Variants in LARGE1 observed in about 807,000 individuals in gnomAD.
LARGE1 encodes LARGE xylosyl- and glucuronyltransferase 1, also known as xylosyl- and glucuronyltransferase LARGE1.
A neutral mutation model predicts 87.6 loss-of-function variants in LARGE1; 43 were observed. The ratio of observed to expected loss-of-function variants is 0.49; its 90% CI spans 0.38 to 0.63. The LOEUF (loss-of-function observed/expected upper bound fraction) is 0.63, where lower values mean the gene tolerates loss of function less well. Ranked by LOEUF, LARGE1 falls within the 30% of genes least tolerant of loss-of-function variation. The probability of loss-of-function intolerance (pLI) is 0.00; values close to 1 mark genes in which losing one functional copy is unlikely to be tolerated. For missense variants in LARGE1, 802 were observed against 1,000.2 expected (o/e 0.80, Z 2.67); for synonymous variants, 434 against 394.6 (o/e 1.10, Z -1.18).
chr22:33,268,837 T>A (rs1478539988), downstream of LARGE1, among the ~76,000 whole-genome samples: 1 of 152,224 alleles, frequency 6.6e-6, no homozygotes, highest in Non-Finnish European at 1.5e-5. Flanking sequence ...GGGACCCACA[T>A]ATTGAATCAT....
intron 2 of LARGE1, among the ~76,000 whole-genome samples, chr22:33,734,039 C>T (rs1225008838): frequency 6.6e-6 from 1 of 152,140 alleles, no homozygotes; most frequent in Non-Finnish European, 1.5e-5. Flanking sequence ...ACGCTTAGGG[C>T]TTTCTCCAAG....
chr22:33,305,552 A>G lies in LARGE1; in HGVS notation c.1452-1045T>C, dbSNP rs369365820. 94 of 982,468 alleles carry G rather than the reference A, an allele frequency of 9.6e-5. No homozygotes were observed. In the African/African-American group the frequency reaches 9.8e-4, roughly 10 times the overall value. 60.9% of individuals were successfully genotyped at this position (982,468 alleles called of 1,614,324 possible). On this transcript the variant is annotated intron_variant, in intron 11 of 14. Transcript: ENST00000397394. Reference sequence around the variant, plus strand: ...CTTACCCAGCAAGAGGTACGTAATCAGCAGTCTCCTGGTCAGAATGCCCAC... The same window carrying G: ...CTTACCCAGCAAGAGGTACGTAATCGGCAGTCTCCTGGTCAGAATGCCCAC...
intron 2 of LARGE1, among the ~76,000 whole-genome samples, chr22:33,718,540 T>C (rs138726222): frequency 5.1e-4 from 78 of 152,384 alleles, no homozygotes; most frequent in African/African-American, 1.5e-3. Flanking sequence ...TAGGTTCTTA[T>C]TGGGTGAAAA....
intron 7 of LARGE1, among the ~76,000 whole-genome samples, chr22:33,417,052 G>C (rs113739097): frequency 2.0e-5 from 3 of 151,802 alleles, no homozygotes; most frequent in African/African-American, 7.3e-5. Flanking sequence ...GACTACAGGC[G>C]TGTGTCACCA....
intron 2 of LARGE1, among the ~76,000 whole-genome samples, chr22:33,720,101 G>A (rs530864179): frequency 6.6e-6 from 1 of 152,218 alleles, no homozygotes; most frequent in African/African-American, 2.4e-5. Context: ...TTATTACATT[G>A]TAATATATAA....
Position 33,621,128 on chromosome 22 carries a change from C to T in LARGE1, c.491+5116G>A, listed in dbSNP as rs911701691. The stretch of plus-strand genomic sequence containing the variant: ...CACTTATTTTATATAAGCATTGCTT[C>T]ATGGTATGCCATACTTTTCAAAACT... On this transcript the variant is annotated intron_variant, in intron 4 of 14. Transcript: ENST00000397394. Among the ~76,000 whole-genome samples, 4 of 152,296 alleles carry T rather than the reference C, an allele frequency of 2.6e-5. No homozygotes were observed. In the South Asian group the frequency reaches 8.3e-4, roughly 32 times the overall value.
intron 11 of LARGE1, among the ~76,000 whole-genome samples, chr22:33,267,037 C>T (rs867377402): frequency 2.6e-5 from 4 of 151,620 alleles, no homozygotes; most frequent in East Asian, 1.9e-4. Flanking sequence ...GCCAGGAGTT[C>T]GAGACCAGCC....
At chr22:33,679,640 G>A (rs1281191357) in intron 2 of LARGE1, among the ~76,000 whole-genome samples, 1 of 152,130 alleles carries the variant, frequency 6.6e-6, no homozygotes, top group Middle Eastern at 3.2e-3. Context: ...TCAGGAGTTC[G>A]AGACCAGCCT....
At chr22:33,794,152 C>T (rs769641550) in intron 1 of LARGE1, among the ~76,000 whole-genome samples, 14 of 152,122 alleles carry the variant, frequency 9.2e-5, no homozygotes, top group East Asian at 1.9e-4. Flanking sequence ...TTCAAGTCTG[C>T]GACGTATGTA....
intron 1 of LARGE1, among the ~76,000 whole-genome samples, chr22:33,912,779 A>G (rs918828104): frequency 4.0e-5 from 6 of 151,734 alleles, no homozygotes; most frequent in Non-Finnish European, 8.8e-5. Context: ...CAACAATGAA[A>G]AAAAAAAAAG....
intron 2 of LARGE1, among the ~76,000 whole-genome samples, chr22:33,707,341 A>T (rs1339456583): frequency 6.6e-6 from 1 of 152,250 alleles, no homozygotes; most frequent in Non-Finnish European, 1.5e-5. Context: ...TGGGAAAAAC[A>T]TTCAACCTCC....
chr22:33,637,495 C>T (rs1466316050), intron 3 of LARGE1, among the ~76,000 whole-genome samples: 1 of 152,108 alleles, frequency 6.6e-6, no homozygotes, highest in Non-Finnish European at 1.5e-5. Context: ...GCCGTGTAGC[C>T]TCTCCTATAC....
chr22:33,237,491 A>T (rs1161249411), intron 11 of LARGE1, among the ~76,000 whole-genome samples: 1 of 152,076 alleles, frequency 6.6e-6, no homozygotes, highest in African/African-American at 2.4e-5. Flanking sequence ...TAATAAGAAG[A>T]ATTACTCCCC....
intron 5 of LARGE1, among the ~76,000 whole-genome samples, chr22:33,600,894 G>A (rs190101855): frequency 1.2e-4 from 19 of 152,152 alleles, no homozygotes; most frequent in Admixed American, 9.8e-4. Context: ...GTGAAACCCC[G>A]TCTTTAATAA....
chr22:33,238,817 C>T (rs1452528821), intron 11 of LARGE1, among the ~76,000 whole-genome samples: 2 of 152,032 alleles, frequency 1.3e-5, no homozygotes, highest in Non-Finnish European at 2.9e-5. Flanking sequence ...TGTGACATTA[C>T]TGAAGTAGTG....
the LARGE1 span, among the ~76,000 whole-genome samples, chr22:33,142,827 C>T: frequency 6.6e-6 from 1 of 152,086 alleles, no homozygotes; most frequent in Non-Finnish European, 1.5e-5. Flanking sequence ...TTGGGTTTAC[C>T]TTGGCAAGCA....
At chr22:33,725,027 G>A (rs1041042970) in intron 2 of LARGE1, 2 of 152,978 alleles carry the variant, frequency 1.3e-5, no homozygotes, top group African/African-American at 4.8e-5. Context: ...GGGGCTACAA[G>A]GGATCCATGG....
chr22:33,439,383 T>C (rs1178463749), intron 6 of LARGE1, among the ~76,000 whole-genome samples: 1 of 152,118 alleles, frequency 6.6e-6, no homozygotes, highest in Non-Finnish European at 1.5e-5. Flanking sequence ...AAAATTTGGC[T>C]ACATTACCCC....
rs565340646 is a variant in LARGE1 at position 33,749,792 on chromosome 22, T to C, written c.106+11579A>G. Among the ~76,000 whole-genome samples the C allele has an allele frequency of 1.8e-4, 28 of 152,320 alleles. No homozygotes were observed. The East Asian group carries it at 4.6e-3, about 25-fold the overall frequency. ...CTTCTCTGTTGTCCAAGATACCCCA[T>C]TTTCACTTGTCTCAGGGTTTGTCTC... On this transcript the variant is annotated intron_variant, in intron 2 of 14. Transcript: ENST00000397394.
Sources: gnomAD v4.1 joint callset for allele counts (sites outside exome capture counted in the v4.1 genomes callset) on GRCh38, gnomAD v4.1.1 for gene constraint, MANE v1.5 for transcripts, NCBI Gene and HGNC (gene_info 2026-07-23, HGNC 2026-07-21) for gene names.